TECPR1: variants seen among roughly 807,000 people sequenced by gnomAD.
TECPR1 encodes the protein tectonin beta-propeller repeat containing 1.
Under a neutral mutation model 162.4 loss-of-function variants are expected in TECPR1, and 122 were observed. The observed-to-expected ratio is 0.75, with a 90% CI of 0.65 to 0.87. The LOEUF (loss-of-function observed/expected upper bound fraction) is 0.87. Ranked by LOEUF, TECPR1 falls within the 40% of genes least tolerant of loss-of-function variation. The pLI is 0.00. For synonymous variants in TECPR1, 642 were observed against 670.6 expected, an observed-to-expected ratio of 0.96 and a Z score of 0.66; for missense variants, 1,432 against 1,618.2, an observed-to-expected ratio of 0.88 and a Z score of 1.97.
chr7:98,222,542 C>T (rs752752529), intron 21 of TECPR1, 21 bp from the exon 22 acceptor site: 15 of 1,558,532 alleles, frequency 9.6e-6, no homozygotes, highest in East Asian at 4.8e-5. Context: ...CAAGGAGGGG[C>T]GCTGAGGTCA....
intron 2 of TECPR1, among the ~76,000 whole-genome samples, chr7:98,248,453 C>T (rs924184373): frequency 1.2e-4 from 16 of 134,132 alleles, no homozygotes; most frequent in African/African-American, 3.9e-4. Context: ...CAGAGCCATG[C>T]GGGTGCTCCA....
chr7:98,239,668 G>A (rs1439619998), intron 8 of TECPR1, among the ~76,000 whole-genome samples: 3 of 152,208 alleles, frequency 2.0e-5, no homozygotes, highest in Non-Finnish European at 2.9e-5. Context: ...GGGTGACCAG[G>A]ATCCAATGTG....
Position 98,232,855 on chromosome 7 carries a change from A to C in TECPR1, c.1790T>G (p.Phe597Cys). The C allele has an allele frequency of 6.2e-7, 1 of 1,610,610 alleles. No homozygotes were observed. The highest frequency in any genetic ancestry group is 8.5e-7 in the Non-Finnish European group (1 of 1,179,210). ...TERTKRELEN[F>C]RHYEQAVEQS... is the part of the protein sequence containing the mutation. The stretch of plus-strand genomic sequence containing the variant: ...CTCCACGGCCTGCTCGTAGTGTCTG[A>C]AGTTCTCCAGCTCCCGCTTGGTCCT... The change falls in exon 12 of 26, where the codon TTC becomes TGC. Residue 597 changes from phenylalanine to cysteine, a missense_variant. Transcript: ENST00000447648. This position sits in a 1 kb window ranked among gnomAD's most constrained non-coding sequence, Gnocchi z 4.6.
At chr7:98,228,892 T>C in intron 16 of TECPR1, 147 bp downstream of exon 16, 1 of 1,187,854 alleles carries the variant, frequency 8.4e-7, no homozygotes, top group Non-Finnish European at 1.2e-6. Flanking sequence ...GGGTGGAGGC[T>C]GGCAGTGGTG....
chr7:98,221,395 A>T (rs1798134988), intron 23 of TECPR1, among the ~76,000 whole-genome samples: 1 of 152,168 alleles, frequency 6.6e-6, no homozygotes, highest in Non-Finnish European at 1.5e-5. Context: ...CTTTACCCTG[A>T]TGTGATATTA....
rs750972053 is a variant in TECPR1, at chr7:98,233,722, G to A, written c.1371C>T (p.Thr457=). ...CCTCGGCTGGGCAGGCATCTTCCAC[G>A]GTATCTTCTGCGGTCCTGCCAGCCC... ...GLGAGRTAED[T]VEDACPAEGS... The change falls in exon 11 of 26, where the codon ACC becomes ACT. Residue 457 remains threonine, a synonymous_variant. Transcript: ENST00000447648. The A allele has an allele frequency of 6.2e-6, 10 of 1,612,096 alleles. No individual in the cohort carries two copies. The highest frequency in any genetic ancestry group is 1.7e-5 in the Admixed American group (1 of 59,944).
Position 98,246,070 on chromosome 7 carries a change from TC to T in TECPR1, c.76del (p.Glu26LysfsTer64). On this transcript the variant is annotated frameshift_variant, in exon 3 of 26. Coordinates refer to ENST00000447648, the MANE Select transcript of TECPR1 (RefSeq NM_015395.3). LOFTEE classifies it high-confidence loss of function. ...CTCCAGCTGGGAGTCCTTGCACATT[TC>T]CCAGTACTGGCCTGCTGTGGACAGC... Reference protein sequence around the residue: ...YTLSTAGQYWEMCKDSQLEFK... With the variant: ...YTLSTAGQYWXMCKDSQLEFK... 6.4e-7 allele frequency: 1 copy of T among 1,569,460 alleles called. No individual in the cohort carries two copies. Among genetic ancestry groups the T allele is most frequent in the Non-Finnish European group, 8.6e-7 (1 of 1,157,956 alleles).
rs112623569 is a variant in TECPR1 at position 98,220,848 on chromosome 7, G to A, written c.3157+813C>T. Among the ~76,000 whole-genome samples, 708 of 151,720 alleles carry A rather than the reference G, an allele frequency of 4.7e-3. 2 individuals carry two copies. The highest frequency in any genetic ancestry group is 0.014 in the Middle Eastern group (4 of 292). ...TGGGATTACAGGTGTGAGCCACCGCGCTTGGCCTAATTTTTGTGTTTTTAG... is the reference window on the plus strand; with the variant it reads ...TGGGATTACAGGTGTGAGCCACCGCACTTGGCCTAATTTTTGTGTTTTTAG... On this transcript the variant is annotated intron_variant, in intron 23 of 25. Coordinates refer to ENST00000447648, the MANE Select transcript of TECPR1 (RefSeq NM_015395.3).
chr7:98,245,004 C>T lies in TECPR1; in HGVS notation c.289G>A (p.Asp97Asn). The change falls in exon 4 of 26, where the codon GAC (aspartate) becomes AAC (asparagine). Residue 97 changes from aspartate (D) to asparagine (N), a missense_variant. Physicochemically the swap from Asp to Asn is conservative, Grantham distance 23. Transcript: ENST00000447648. ...LLLSDRWGWS[D>N]VSGLQHRPLD... is the part of the protein sequence containing the mutation. ...GGCCGGTGCTGGAGCCCACTCACGT[C>T]ACTCCACCCCCAGCGGTCACTCAGC... 1.9e-6 allele frequency: 3 copies of T among 1,610,696 alleles called. No homozygotes were observed. Among genetic ancestry groups the T allele is most frequent in the Non-Finnish European group, 2.5e-6 (3 of 1,178,942 alleles).
chr7:98,244,978 C>T lies in TECPR1; in HGVS notation c.315G>A (p.Pro105=), dbSNP rs778472703. ...GCGAGGGCAGTGCCACCCTGTCCAG[C>T]GGCCGGTGCTGGAGCCCACTCACGT... ...WSDVSGLQHR[P]LDRVALPSPH... The change falls in exon 4 of 26, where the codon CCG becomes CCA. Residue 105 remains proline (P), a synonymous_variant. Transcript: ENST00000447648. The T allele has an allele frequency of 9.9e-6, 16 of 1,612,328 alleles. No homozygotes were observed. In the East Asian group the frequency reaches 1.1e-4, roughly 11 times the overall value.
rs760622581 is a variant in TECPR1, at chr7:98,233,701, G to A, written c.1392C>T (p.Ala464=). ...TGGGTCTGGCCTCCCTGCTGCCCTC[G>A]GCTGGGCAGGCATCTTCCACGGTAT... ...AEDTVEDACP[A]EGSREARPNT... is the part of the protein sequence containing the mutation. The change falls in exon 11 of 26, where the codon GCC becomes GCT. Residue 464 remains alanine (A), a synonymous_variant. Transcript: ENST00000447648. The A allele has an allele frequency of 1.2e-5, 20 of 1,610,854 alleles. No homozygotes were observed. The highest frequency in any genetic ancestry group is 8.9e-5 in the East Asian group (4 of 44,840).
chr7:98,217,588 A>C (rs1798045333), intron 25 of TECPR1, 85 bp from the exon 26 acceptor site: 1 of 1,535,530 alleles, frequency 6.5e-7, no homozygotes, highest in Non-Finnish European at 8.8e-7. Context: ...CCTGCAACCC[A>C]GACACCGGGT....
chr7:98,231,430 G>A, intron 13 of TECPR1, 57 bp from the exon 14 acceptor site: 6 of 1,532,990 alleles, frequency 3.9e-6, no homozygotes, highest in Non-Finnish European at 5.3e-6. Context: ...GGCCTCTGGA[G>A]GGTGACCCCC....
chr7:98,226,993 A>G (rs1798293518), intron 17 of TECPR1, among the ~76,000 whole-genome samples: 1 of 152,128 alleles, frequency 6.6e-6, no homozygotes, highest in African/African-American at 2.4e-5. Context: ...ATTTCTTTAG[A>G]CAGCCTCAAA....
At chr7:98,251,287 T>G (rs894223853) in intron 2 of TECPR1, 107 bp downstream of exon 2, 6 of 151,094 alleles carry the variant, frequency 4.0e-5, no homozygotes, top group African/African-American at 1.5e-4. Context: ...CTGTCTCAGT[T>G]TATTCACAGA....
At chr7:98,246,490 C>T (rs908666363) in intron 2 of TECPR1, among the ~76,000 whole-genome samples, 10 of 152,182 alleles carry the variant, frequency 6.6e-5, no homozygotes, top group Non-Finnish European at 1.5e-4. Context: ...TGGTATCGAT[C>T]TCCTGACCTT....
At chr7:98,235,493 C>T (rs566286239) in intron 10 of TECPR1, among the ~76,000 whole-genome samples, 1 of 146,096 alleles carries the variant, frequency 6.8e-6, no homozygotes, top group East Asian at 2.0e-4. Context: ...CCGTGGCACT[C>T]CAGCCTGGGC....
At chr7:98,243,823 C>G (rs1441656002) in intron 5 of TECPR1, among the ~76,000 whole-genome samples, 4 of 152,144 alleles carry the variant, frequency 2.6e-5, no homozygotes, top group Non-Finnish European at 5.9e-5. Flanking sequence ...CTCAAACTCC[C>G]GGCCTCAAGT....
At position 98,217,383 on chromosome 7, in the gene TECPR1, G is replaced by A. The variant is rs767354675; in HGVS notation, c.*7C>T. ...ACCGTCCCTGCATGTAGGTGTGTGG[G>A]GGGGCCTCAGCAGCAGACGGGGCCA... On this transcript the variant is annotated 3_prime_UTR_variant, in exon 26 of 26. Transcript: ENST00000447648. The A allele has an allele frequency of 5.9e-6, 9 of 1,537,034 alleles. No individual in the cohort carries two copies. The highest frequency in any genetic ancestry group is 2.3e-5 in the South Asian group (2 of 85,640).
Sources: allele counts gnomAD v4.1 joint callset (sites outside exome capture counted in the v4.1 genomes callset), GRCh38; gene constraint gnomAD v4.1.1; non-coding constraint Gnocchi (gnomAD v3.1); transcripts MANE v1.5; gene names NCBI Gene and HGNC (gene_info 2026-07-23, HGNC 2026-07-21).